Variants in PLEKHB2 observed in about 807,000 individuals in gnomAD.
PLEKHB2 encodes pleckstrin homology domain containing B2.
PLEKHB2 carries 31 observed loss-of-function variants against 36.5 expected under a neutral mutation model. The ratio of observed to expected loss-of-function variants is 0.85; its 90% CI spans 0.64 to 1.15. The LOEUF is 1.15. Ranked by LOEUF, PLEKHB2 falls within the 50% of genes most tolerant of loss-of-function variation. The pLI, the probability that PLEKHB2 is intolerant of heterozygous loss-of-function variation, is 0.00. For synonymous variants in PLEKHB2, 119 were observed against 112.0 expected (o/e 1.06, Z -0.39); for missense variants, 262 against 295.3 (o/e 0.89, Z 0.83).
At chr2:131,121,465 C>T (rs1265753802) in intron 2 of PLEKHB2, among the ~76,000 whole-genome samples, 1 of 152,054 alleles carries the variant, frequency 6.6e-6, no homozygotes, top group Non-Finnish European at 1.5e-5. Context: ...CCAGGCTGGT[C>T]TCAAACTCCC....
intron 6 of PLEKHB2, among the ~76,000 whole-genome samples, chr2:131,136,197 G>A (rs1277941145): frequency 7.3e-4 from 21 of 28,630 alleles, no homozygotes; most frequent in Admixed American, 2.6e-3. Flanking sequence ...CCTTTCCCCC[G>A]CCCGTCCCCT....
intron 1 of PLEKHB2, chr2:131,107,408 A>G (rs1302705935): frequency 6.6e-6 from 1 of 152,210 alleles, no homozygotes; most frequent in Non-Finnish European, 1.5e-5. Flanking sequence ...CCACGTGGGA[A>G]CTGACCTCTA....
chr2:131,130,836 A>T (rs1697601337), intron 5 of PLEKHB2, 76 bp downstream of exon 5: 2 of 1,040,982 alleles, frequency 1.9e-6, no homozygotes. Context: ...GCTTGAGTGC[A>T]GTGGTGCTGT....
chr2:131,138,245 T>TTA (rs1449126370), intron 6 of PLEKHB2, among the ~76,000 whole-genome samples: 1 of 152,082 alleles, frequency 6.6e-6, no homozygotes, highest in Non-Finnish European at 1.5e-5. Context: ...ATGTATGTCT[T>TTA]TATATACTTT....
At chr2:131,113,936 A>G (rs916324356) in intron 1 of PLEKHB2, among the ~76,000 whole-genome samples, 3 of 151,652 alleles carry the variant, frequency 2.0e-5, no homozygotes, top group Non-Finnish European at 4.4e-5. Context: ...CTTACCCCCA[A>G]TTTCTGAGTC....
At chr2:131,117,722 A>G (rs1696034477) in intron 1 of PLEKHB2, among the ~76,000 whole-genome samples, 1 of 151,386 alleles carries the variant, frequency 6.6e-6, no homozygotes, top group Admixed American at 6.6e-5. Context: ...TTGCCCTCTC[A>G]TTTTTTTGTG....
At chr2:131,124,943 G>A (rs999428958) in intron 2 of PLEKHB2, among the ~76,000 whole-genome samples, 2 of 151,838 alleles carry the variant, frequency 1.3e-5, no homozygotes, top group African/African-American at 2.4e-5. Context: ...GAGCCACCAC[G>A]CCCAGCTAAT....
In PLEKHB2 at chr2:131,116,493, G is replaced by A. The variant is rs776860288; in HGVS notation, c.-8-4441G>A. Among the ~76,000 whole-genome samples the A allele has an allele frequency of 4.6e-5, 7 of 152,154 alleles. 1 individual carries two copies. Among genetic ancestry groups the A allele is most frequent in the African/African-American group, 7.2e-5 (3 of 41,426 alleles). ...CTGTACAGGAGGCATGGCTGTGGAGGCCTCAGAAAGCTTACAATCATGGCA... is the reference window on the plus strand; with the variant it reads ...CTGTACAGGAGGCATGGCTGTGGAGACCTCAGAAAGCTTACAATCATGGCA... On this transcript the variant is annotated intron_variant, in intron 1 of 7. Transcript: ENST00000693505.
rs1696936919 is a variant in PLEKHB2 at position 131,124,817 on chromosome 2, G to GCT, written c.38-933_38-932dup. Among the ~76,000 whole-genome samples, 3 of 150,588 alleles carry GCT rather than the reference G, an allele frequency of 2.0e-5. No individual in the cohort carries two copies. In the South Asian group the frequency reaches 6.3e-4, roughly 32 times the overall value. ...TTTTTTTTTTTGGAGACGGAGTGTT[G>GCT]CTCTGTCCCCCAGGTTGGAGGGCAG... is the stretch of plus-strand genomic sequence containing the variant. On this transcript the variant is annotated intron_variant, in intron 2 of 7. Transcript: ENST00000693505.
rs544797327 is a variant in PLEKHB2, at chr2:131,139,677, C to T, written c.424-490C>T. Among the ~76,000 whole-genome samples the T allele has an allele frequency of 2.5e-4, 38 of 152,328 alleles. No individual in the cohort carries two copies. The South Asian group carries it at 7.9e-3, about 32-fold the overall frequency. ...TGTGCAGCCAGAACACCATCAGTCA[C>T]CTGCCCAGGTGCCACACCTCAGGGC... On this transcript the variant is annotated intron_variant, in intron 6 of 7. Coordinates refer to ENST00000693505, the MANE Select transcript of PLEKHB2 (RefSeq NM_001100623.2).
intron 1 of PLEKHB2, among the ~76,000 whole-genome samples, chr2:131,116,621 A>T (rs1695909919): frequency 6.6e-6 from 1 of 152,158 alleles, no homozygotes; most frequent in South Asian, 2.1e-4. Flanking sequence ...AAGACCAGCA[A>T]CAGGGATAGT....
At chr2:131,109,944 C>G (rs892400714) in intron 1 of PLEKHB2, among the ~76,000 whole-genome samples, 2 of 151,702 alleles carry the variant, frequency 1.3e-5, no homozygotes, top group Admixed American at 1.3e-4. Context: ...GAAACCCTGT[C>G]TCTACTAAAA....
chr2:131,144,453 A>G (rs975699082), intron 7 of PLEKHB2: 2 of 1,210,330 alleles, frequency 1.7e-6, no homozygotes, highest in Non-Finnish European at 2.1e-6. Flanking sequence ...TCCAGGGGTA[A>G]GTCCAAGAGC....
intron 4 of PLEKHB2, among the ~76,000 whole-genome samples, chr2:131,130,398 C>T (rs561275508): frequency 3.3e-5 from 5 of 152,140 alleles, no homozygotes; most frequent in South Asian, 4.1e-4. Context: ...TTACTCATAT[C>T]GTGGAATATT....
At chr2:131,133,114 G>A in intron 6 of PLEKHB2, 123 bp downstream of exon 6, 1 of 650,112 alleles carries the variant, frequency 1.5e-6, no homozygotes, top group East Asian at 2.7e-5. Context: ...TAAAACAGAT[G>A]ATTTCTTATC....
In PLEKHB2 at chr2:131,149,281, G is replaced by A. The variant is rs970503115; in HGVS notation, c.*2508G>A. The A allele has an allele frequency of 6.6e-6, 1 of 152,222 alleles. No homozygotes were observed. The highest frequency in any genetic ancestry group is 2.4e-5 in the African/African-American group (1 of 41,448). The allele number at this position is 152,222 out of a possible 1,614,324, so 9.4% of individuals were successfully genotyped here. A position where few individuals can be genotyped will look rare whatever the true frequency, so the allele number is the denominator to read the frequency against. On this transcript the variant is annotated 3_prime_UTR_variant, in exon 8 of 8. Transcript: ENST00000693505. ...CTCAACGATGTCTTTTGTTTACAGT[G>A]CTACACTTAGTGTGAGTCAAGAAGT... is the stretch of plus-strand genomic sequence containing the variant.
chr2:131,126,309 C>T (rs367977667), intron 3 of PLEKHB2, among the ~76,000 whole-genome samples: 1 of 152,060 alleles, frequency 6.6e-6, no homozygotes, highest in Non-Finnish European at 1.5e-5. Flanking sequence ...GGGTGGATCA[C>T]GAGGGCAGGA....
intron 1 of PLEKHB2, among the ~76,000 whole-genome samples, chr2:131,115,927 C>A (rs1695828709): frequency 6.6e-6 from 1 of 152,060 alleles, no homozygotes. Context: ...AGAGTACTGG[C>A]TTGTTTTAGA....
intron 7 of PLEKHB2, among the ~76,000 whole-genome samples, chr2:131,146,202 G>A (rs1573646308): frequency 6.6e-6 from 1 of 151,906 alleles, no homozygotes; most frequent in African/African-American, 2.4e-5. Context: ...AAAGTTATAT[G>A]TGCAGATTTA....
Sources: allele counts gnomAD v4.1 joint callset (sites outside exome capture counted in the v4.1 genomes callset), GRCh38; gene constraint gnomAD v4.1.1; transcripts MANE v1.5; gene names NCBI Gene and HGNC (gene_info 2026-07-23, HGNC 2026-07-21).